KCTD8: variants seen among roughly 807,000 people sequenced by gnomAD.
KCTD8 encodes potassium channel tetramerization domain containing 8, also known as BTB/POZ domain-containing protein KCTD8.
Under a neutral mutation model 31.5 loss-of-function variants are expected in KCTD8, and 27 were observed. That is an observed-to-expected ratio of 0.86 (90% CI 0.63 to 1.18). The LOEUF (loss-of-function observed/expected upper bound fraction) is 1.18, where lower values mean the gene tolerates loss of function less well. Among genes scored for constraint, KCTD8 ranks in the 50% most tolerant of loss-of-function variants. KCTD8 has a pLI of 0.00. For synonymous variants in KCTD8, 290 were observed against 280.0 expected, an observed-to-expected ratio of 1.04 and a Z score of -0.36; for missense variants, 658 against 647.7, an observed-to-expected ratio of 1.02 and a Z score of -0.17.
At chr4:44,394,666 A>C (rs1469698411) in intron 1 of KCTD8, among the ~76,000 whole-genome samples, 2 of 152,048 alleles carry the variant, frequency 1.3e-5, no homozygotes, top group African/African-American at 4.8e-5. Context: ...CAATTTTGCT[A>C]TGTCGTATGT....
chr4:44,290,129 T>C (rs1279468680), intron 1 of KCTD8, among the ~76,000 whole-genome samples: 1 of 151,650 alleles, frequency 6.6e-6, no homozygotes, highest in Non-Finnish European at 1.5e-5. Context: ...AGATCTACCA[T>C]ACAAATGAAA....
chr4:44,313,264 G>A (rs997201913), intron 1 of KCTD8, among the ~76,000 whole-genome samples: 4 of 152,048 alleles, frequency 2.6e-5, no homozygotes, highest in Non-Finnish European at 4.4e-5. Context: ...CAGGGTGAGC[G>A]CCACTACCTA....
At chr4:44,351,582 T>C (rs1005578504) in intron 1 of KCTD8, among the ~76,000 whole-genome samples, 1 of 152,114 alleles carries the variant, frequency 6.6e-6, no homozygotes, top group African/African-American at 2.4e-5. Flanking sequence ...AAACTACATC[T>C]CTGTGGAGAT....
At chr4:44,228,426 T>C (rs1383320795) in intron 1 of KCTD8, among the ~76,000 whole-genome samples, 5 of 152,236 alleles carry the variant, frequency 3.3e-5, no homozygotes, top group African/African-American at 7.2e-5. Context: ...AGTCATATTC[T>C]GAGGTACTGC....
At chr4:44,319,802 T>C (rs1320899845) in intron 1 of KCTD8, among the ~76,000 whole-genome samples, 1 of 152,132 alleles carries the variant, frequency 6.6e-6, no homozygotes, top group Non-Finnish European at 1.5e-5. Context: ...ATAGGTGTTT[T>C]TCCAGAAAGC....
At chr4:44,216,293 C>T (rs1714649230) in intron 1 of KCTD8, among the ~76,000 whole-genome samples, 1 of 152,030 alleles carries the variant, frequency 6.6e-6, no homozygotes, top group Admixed American at 6.6e-5. Context: ...CCACTTTATA[C>T]AGTAAGTAGA....
intron 1 of KCTD8, among the ~76,000 whole-genome samples, chr4:44,283,961 C>T (rs147234486): frequency 0.014 from 2,198 of 152,186 alleles, 55 homozygotes; most frequent in African/African-American, 0.049. Flanking sequence ...CAGACCACTG[C>T]TCAAGGAAAT....
At chr4:44,227,951 T>G (rs1715012760) in intron 1 of KCTD8, among the ~76,000 whole-genome samples, 1 of 152,220 alleles carries the variant, frequency 6.6e-6, no homozygotes, top group Non-Finnish European at 1.5e-5. Flanking sequence ...CACAAAGCAG[T>G]TAGTGATCCT....
intron 1 of KCTD8, among the ~76,000 whole-genome samples, chr4:44,230,408 G>T (rs567355759): frequency 6.6e-6 from 1 of 152,056 alleles, no homozygotes; most frequent in Admixed American, 6.6e-5. Flanking sequence ...CATTATACAG[G>T]CATAAAATGT....
At chr4:44,245,526 G>A (rs1463620006) in intron 1 of KCTD8, among the ~76,000 whole-genome samples, 1 of 151,676 alleles carries the variant, frequency 6.6e-6, no homozygotes, top group African/African-American at 2.4e-5. Flanking sequence ...CATTAATGGT[G>A]TATAAATTTT....
intron 1 of KCTD8, among the ~76,000 whole-genome samples, chr4:44,277,510 A>G (rs1716784096): frequency 6.6e-6 from 1 of 151,810 alleles, no homozygotes; most frequent in Non-Finnish European, 1.5e-5. Context: ...ACGCTGCAAA[A>G]AACAGCTACA....
chr4:44,187,548 T>C (rs1338008831), intron 1 of KCTD8, among the ~76,000 whole-genome samples: 1 of 152,250 alleles, frequency 6.6e-6, no homozygotes, highest in Non-Finnish European at 1.5e-5. Flanking sequence ...ATTGGCAAAG[T>C]TGTTTTTCAC....
intron 1 of KCTD8, among the ~76,000 whole-genome samples, chr4:44,322,488 A>T (rs911348588): frequency 6.6e-6 from 1 of 152,008 alleles, no homozygotes; most frequent in African/African-American, 2.4e-5. Context: ...AATATAGTCT[A>T]GTAATTAATC....
intron 1 of KCTD8, among the ~76,000 whole-genome samples, chr4:44,268,573 G>A (rs1408076408): frequency 1.3e-5 from 2 of 151,942 alleles, no homozygotes; most frequent in African/African-American, 4.8e-5. Flanking sequence ...GAAATAAAGG[G>A]TATTCAATTA....
intron 1 of KCTD8, among the ~76,000 whole-genome samples, chr4:44,286,414 C>T (rs1717068696): frequency 6.6e-6 from 1 of 152,052 alleles, no homozygotes; most frequent in Non-Finnish European, 1.5e-5. Context: ...ACTGTTTAAA[C>T]CCTTTATAAC....
intron 1 of KCTD8, among the ~76,000 whole-genome samples, chr4:44,242,056 C>G (rs894507069): frequency 1.3e-5 from 2 of 152,306 alleles, no homozygotes; most frequent in Admixed American, 1.3e-4. Context: ...AGCTGCCAAT[C>G]TTCAGATCAC....
At chr4:44,279,071 T>A (rs775877159) in intron 1 of KCTD8, among the ~76,000 whole-genome samples, 6 of 152,118 alleles carry the variant, frequency 3.9e-5, no homozygotes, top group Admixed American at 6.6e-5. Flanking sequence ...TGGCTTGGGA[T>A]AAATTGGCTA....
intron 1 of KCTD8, among the ~76,000 whole-genome samples, chr4:44,287,296 G>A (rs1375595098): frequency 6.6e-6 from 1 of 151,866 alleles, no homozygotes; most frequent in Admixed American, 6.6e-5. Flanking sequence ...GATAACTTAG[G>A]AATTATTTTC....
chr4:44,342,381 A>G (rs996048521), intron 1 of KCTD8, among the ~76,000 whole-genome samples: 3 of 151,896 alleles, frequency 2.0e-5, no homozygotes, highest in African/African-American at 2.4e-5. Context: ...AAAAAAAAAA[A>G]AAAAAAGAAA....
Sources: gnomAD v4.1 joint callset for allele counts (sites outside exome capture counted in the v4.1 genomes callset) on GRCh38, gnomAD v4.1.1 for gene constraint, MANE v1.5 for transcripts, NCBI Gene and HGNC (gene_info 2026-07-23, HGNC 2026-07-21) for gene names.